Variants in ALPK2 observed in about 807,000 individuals in gnomAD.
ALPK2 encodes alpha-protein kinase 2.
ALPK2 carries 127 observed loss-of-function variants against 163.1 expected under a neutral mutation model. The observed-to-expected ratio is 0.78, with a 90% confidence interval of 0.67 to 0.90. The LOEUF (loss-of-function observed/expected upper bound fraction) is 0.90. ALPK2 is among the 40% of genes least tolerant of loss of function. The pLI is 0.00. For synonymous variants in ALPK2, 953 were observed against 959.1 expected (o/e 0.99, Z 0.12); for missense variants, 2,360 against 2,589.6 (o/e 0.91, Z 1.92).
intron 12 of ALPK2, among the ~76,000 whole-genome samples, chr18:58,487,374 G>A (rs2051344992): frequency 6.6e-6 from 1 of 152,096 alleles, no homozygotes; most frequent in Non-Finnish European, 1.5e-5. Flanking sequence ...GAGAGGCATG[G>A]AACAGACCCT....
At chr18:58,597,024 A>G (rs1431088747) in intron 3 of ALPK2, among the ~76,000 whole-genome samples, 1 of 152,176 alleles carries the variant, frequency 6.6e-6, no homozygotes, top group Non-Finnish European at 1.5e-5. Flanking sequence ...GCAGTGGCTC[A>G]TGCCTGTAAT....
chr18:58,615,753 T>C (rs1430541861), intron 1 of ALPK2, among the ~76,000 whole-genome samples: 2 of 152,174 alleles, frequency 1.3e-5, no homozygotes, highest in Admixed American at 6.5e-5. Flanking sequence ...ATCACTGCTA[T>C]GGATGGAGAA....
intron 4 of ALPK2, chr18:58,545,060 T>C (rs1320594512): frequency 1.3e-5 from 2 of 152,304 alleles, no homozygotes; most frequent in South Asian, 2.1e-4. Flanking sequence ...TAATGCCTGG[T>C]GCTGCAGCTC....
chr18:58,596,317 A>G (rs2052041002), intron 3 of ALPK2, among the ~76,000 whole-genome samples: 1 of 152,138 alleles, frequency 6.6e-6, no homozygotes, highest in Admixed American at 6.5e-5. Context: ...TGATCTGACC[A>G]TCTCATGATG....
At position 58,627,438 on chromosome 18, in the gene ALPK2, T is replaced by C. The variant is rs1389329528; in HGVS notation, c.-21+1326A>G. 3.3e-5 allele frequency among the ~76,000 whole-genome samples: 5 copies of C among 151,684 alleles called. No homozygotes were observed. The East Asian group carries it at 9.7e-4, about 29-fold the overall frequency. On this transcript the variant is annotated intron_variant, in intron 1 of 12. Transcript: ENST00000361673. ...GAGTTCAAGACCAGCCTGGCCAACATGGTGAAACCCCATCTCAACTAAAAA... is the reference window on the plus strand; with the variant it reads ...GAGTTCAAGACCAGCCTGGCCAACACGGTGAAACCCCATCTCAACTAAAAA...
intron 1 of ALPK2, among the ~76,000 whole-genome samples, chr18:58,612,140 G>T (rs1481525068): frequency 6.6e-6 from 1 of 152,090 alleles, no homozygotes; most frequent in Admixed American, 6.5e-5. Flanking sequence ...GAATGGGGGG[G>T]TGCCCTGATT....
intron 1 of ALPK2, among the ~76,000 whole-genome samples, chr18:58,624,452 T>C (rs2052218428): frequency 7.2e-6 from 1 of 138,508 alleles, no homozygotes; most frequent in Admixed American, 6.9e-5. Flanking sequence ...TTTCTTTCTT[T>C]TTTTTTTTTT....
At chr18:58,502,606 T>G (rs1045580960) in intron 11 of ALPK2, among the ~76,000 whole-genome samples, 2 of 152,166 alleles carry the variant, frequency 1.3e-5, no homozygotes, top group Non-Finnish European at 2.9e-5. Flanking sequence ...TGGGACAATA[T>G]CTGACATTTG....
At chr18:58,610,756 A>G (rs1242153535) in intron 2 of ALPK2, among the ~76,000 whole-genome samples, 1 of 151,980 alleles carries the variant, frequency 6.6e-6, no homozygotes, top group East Asian at 1.9e-4. Context: ...CCTGGCCAAC[A>G]TGGTGAACCA....
intron 11 of ALPK2, among the ~76,000 whole-genome samples, chr18:58,500,068 G>A (rs149548307): frequency 1.3e-5 from 2 of 152,342 alleles, no homozygotes; most frequent in East Asian, 3.9e-4. Flanking sequence ...CTGCTTTTCT[G>A]CAGTGCACCT....
chr18:58,501,932 A>C (rs1285625930), intron 11 of ALPK2, among the ~76,000 whole-genome samples: 2 of 152,182 alleles, frequency 1.3e-5, no homozygotes, highest in African/African-American at 4.8e-5. Flanking sequence ...AGATGTCACC[A>C]TTAGGTGAAG....
At chr18:58,534,520 C>T (rs1329797056) in intron 5 of ALPK2, among the ~76,000 whole-genome samples, 4 of 152,230 alleles carry the variant, frequency 2.6e-5, no homozygotes, top group African/African-American at 9.6e-5. Flanking sequence ...ACCTTCATCA[C>T]ATTCCCCTCC....
intron 10 of ALPK2, among the ~76,000 whole-genome samples, chr18:58,506,846 C>T (rs971401623): frequency 6.6e-6 from 1 of 152,204 alleles, no homozygotes; most frequent in African/African-American, 2.4e-5. Flanking sequence ...TGTTTAGCCG[C>T]CTCCCTGGCT....
chr18:58,505,564 C>T (rs1464073154), intron 10 of ALPK2, among the ~76,000 whole-genome samples: 2 of 152,090 alleles, frequency 1.3e-5, no homozygotes, highest in African/African-American at 4.8e-5. Flanking sequence ...TCCTTTCTCT[C>T]CTCCATCAAT....
intron 4 of ALPK2, among the ~76,000 whole-genome samples, chr18:58,551,347 A>G (rs958770266): frequency 6.6e-6 from 1 of 151,934 alleles, no homozygotes; most frequent in Non-Finnish European, 1.5e-5. Flanking sequence ...CATCCTTGCC[A>G]TTCCCTGACC....
At chr18:58,546,692 T>C (rs1298061804) in intron 4 of ALPK2, among the ~76,000 whole-genome samples, 1 of 152,120 alleles carries the variant, frequency 6.6e-6, no homozygotes, top group African/African-American at 2.4e-5. Context: ...GCGGGGACCA[T>C]GTAATGGCAA....
intron 2 of ALPK2, among the ~76,000 whole-genome samples, chr18:58,607,675 A>G (rs144808062): frequency 5.3e-4 from 81 of 152,296 alleles, no homozygotes; most frequent in African/African-American, 1.9e-3. Context: ...TGGGTGGCAT[A>G]CAAAATGAAA....
chr18:58,532,298 GT>G (rs2051620298), intron 5 of ALPK2, among the ~76,000 whole-genome samples: 1 of 152,190 alleles, frequency 6.6e-6, no homozygotes, highest in Non-Finnish European at 1.5e-5. Context: ...CCAGAAACCC[GT>G]TCTAATTTTC....
At chr18:58,575,553 C>G (rs2051916183) in intron 4 of ALPK2, among the ~76,000 whole-genome samples, 1 of 152,196 alleles carries the variant, frequency 6.6e-6, no homozygotes, top group Non-Finnish European at 1.5e-5. Context: ...ACAGACGCAG[C>G]ACTTCTGATT....
Sources: gnomAD v4.1 joint callset for allele counts (sites outside exome capture counted in the v4.1 genomes callset) on GRCh38, gnomAD v4.1.1 for gene constraint, MANE v1.5 for transcripts, NCBI Gene and HGNC (gene_info 2026-07-23, HGNC 2026-07-21) for gene names.